PIP5K1A: variants seen among roughly 807,000 people sequenced by gnomAD.
PIP5K1A encodes the protein phosphatidylinositol-4-phosphate 5-kinase type 1 alpha.
Under a neutral mutation model 72.9 loss-of-function variants are expected in PIP5K1A, and 46 were observed. That is an observed-to-expected ratio of 0.63 (90% confidence interval 0.50 to 0.81). PIP5K1A has a LOEUF of 0.81. PIP5K1A is among the 30% of genes least tolerant of loss of function. The probability of loss-of-function intolerance (pLI) is 0.00; values close to 1 mark genes in which losing one functional copy is unlikely to be tolerated. For missense variants in PIP5K1A, 458 were observed against 706.1 expected, an observed-to-expected ratio of 0.65 and a Z score of 3.98; for synonymous variants, 228 against 255.1, an observed-to-expected ratio of 0.89 and a Z score of 1.01.
chr1:151,244,096 T>C (rs1220928917), intron 14 of PIP5K1A, among the ~76,000 whole-genome samples: 1 of 150,862 alleles, frequency 6.6e-6, no homozygotes, highest in East Asian at 2.0e-4. Flanking sequence ...GGAGGATTGC[T>C]TGAGGCAGTT....
At chr1:151,228,981 A>AAG (rs1163807130) in intron 4 of PIP5K1A, among the ~76,000 whole-genome samples, 1 of 151,596 alleles carries the variant, frequency 6.6e-6, no homozygotes, top group Non-Finnish European at 1.5e-5. Context: ...CAACCTGACC[A>AAG]ACATGGCAAA....
At chr1:151,215,999 A>G in intron 1 of PIP5K1A, 1 of 1,296,042 alleles carries the variant, frequency 7.7e-7, no homozygotes, top group African/African-American at 1.5e-5. Context: ...GTGGTAAGAG[A>G]GGTAGATCTG....
At chr1:151,214,910 T>G (rs1176696311) in intron 1 of PIP5K1A, among the ~76,000 whole-genome samples, 1 of 148,852 alleles carries the variant, frequency 6.7e-6, no homozygotes, top group Non-Finnish European at 1.5e-5. Flanking sequence ...TGGAGACCAG[T>G]TTTCACCATG....
chr1:151,209,902 T>TG (rs1686548868), intron 1 of PIP5K1A, among the ~76,000 whole-genome samples: 1 of 151,748 alleles, frequency 6.6e-6, no homozygotes, highest in African/African-American at 2.4e-5. Flanking sequence ...TTTTCTGAGA[T>TG]GGAGTCTTGC....
At chr1:151,220,474 T>C (rs1688259425) in intron 1 of PIP5K1A, among the ~76,000 whole-genome samples, 1 of 145,094 alleles carries the variant, frequency 6.9e-6, no homozygotes, top group Non-Finnish European at 1.5e-5. Flanking sequence ...ACCACCTAGC[T>C]TTTTTTTTTT....
chr1:151,224,180 C>T (rs768245854), intron 1 of PIP5K1A, 65 bp from the exon 2 acceptor site: 230 of 1,388,562 alleles, frequency 1.7e-4, no homozygotes, highest in Non-Finnish European at 2.2e-4. Flanking sequence ...CTGATGGTTT[C>T]AGTATGCTTG....
chr1:151,203,768 G>T (rs1685541361), intron 1 of PIP5K1A, among the ~76,000 whole-genome samples: 1 of 150,758 alleles, frequency 6.6e-6, no homozygotes, highest in South Asian at 2.1e-4. Context: ...GGGTTGCAGT[G>T]AGCTGAGATC....
chr1:151,202,356 A>G (rs963280681), intron 1 of PIP5K1A, among the ~76,000 whole-genome samples: 5 of 152,244 alleles, frequency 3.3e-5, no homozygotes, highest in Non-Finnish European at 5.9e-5. Context: ...CTACAGGGCC[A>G]GCCTTCTAGC....
At chr1:151,224,200 T>A in intron 1 of PIP5K1A, 45 bp from the exon 2 acceptor site, 2 of 1,545,448 alleles carry the variant, frequency 1.3e-6, no homozygotes, top group Non-Finnish European at 1.8e-6. Context: ...GACAGAGATG[T>A]GAGTGTGTGA....
intron 1 of PIP5K1A, among the ~76,000 whole-genome samples, chr1:151,220,226 G>C (rs587619872): frequency 6.6e-6 from 1 of 151,712 alleles, no homozygotes; most frequent in African/African-American, 2.4e-5. Context: ...GGATGATCTC[G>C]ATCTCCTGAC....
At chr1:151,225,693 C>G (rs939311458) in intron 3 of PIP5K1A, among the ~76,000 whole-genome samples, 142 of 152,112 alleles carry the variant, frequency 9.3e-4, no homozygotes, top group East Asian at 1.9e-3. Context: ...TGGTTTTGAA[C>G]TCCTGACCTC....
intron 1 of PIP5K1A, among the ~76,000 whole-genome samples, chr1:151,214,641 A>C (rs56048264): frequency 6.6e-6 from 1 of 152,050 alleles, no homozygotes; most frequent in Non-Finnish European, 1.5e-5. Flanking sequence ...TCAGCCTCCC[A>C]AAGGGCTGGG....
At chr1:151,224,151 G>GT (rs1688781193) in intron 1 of PIP5K1A, 94 bp from the exon 2 acceptor site, 6 of 1,118,468 alleles carry the variant, frequency 5.4e-6, no homozygotes, top group Non-Finnish European at 8.2e-6. Flanking sequence ...TTATACTTAT[G>GT]TTTAGTTTGA....
upstream of PIP5K1A, chr1:151,198,109 C>T (rs919662747): frequency 2.1e-6 from 1 of 470,598 alleles, no homozygotes; most frequent in Admixed American, 2.4e-5. Flanking sequence ...GAATGCCATT[C>T]CGAGGAAGGT....
chr1:151,224,259 A>G lies in PIP5K1A; in HGVS notation c.100A>G (p.Lys34Glu). 6.2e-7 allele frequency: 1 copy of G among 1,613,602 alleles called. No individual in the cohort carries two copies. The highest frequency in any genetic ancestry group is 8.5e-7 in the Non-Finnish European group (1 of 1,179,592). ...CTLSSAASGIKRPMASEVLEA... is the reference protein window; with the variant it reads ...CTLSSAASGIERPMASEVLEA... ...TTCCCCCCTAGCAGCATCTGGAATCAAGAGACCCATGGCATCTGAGGTGAG... is the reference window on the plus strand; with the variant it reads ...TTCCCCCCTAGCAGCATCTGGAATCGAGAGACCCATGGCATCTGAGGTGAG... The change falls in exon 2 of 16, where the codon AAG becomes GAG. Residue 34 changes from lysine to glutamate, a missense_variant. By Grantham distance (56) the Lys-to-Glu change is moderately conservative (BLOSUM62 1). Coordinates refer to ENST00000368888, the MANE Select transcript of PIP5K1A (RefSeq NM_001135638.2).
chr1:151,202,767 C>T (rs191077647), intron 1 of PIP5K1A, among the ~76,000 whole-genome samples: 35 of 146,876 alleles, frequency 2.4e-4, no homozygotes, highest in Admixed American at 2.1e-3. Flanking sequence ...CCATGCCCTG[C>T]CAGTAAAGTC....
At chr1:151,245,919 A>T (rs2101742826) in intron 14 of PIP5K1A, among the ~76,000 whole-genome samples, 1 of 152,232 alleles carries the variant, frequency 6.6e-6, no homozygotes, top group Non-Finnish European at 1.5e-5. Flanking sequence ...TTGTGTAACA[A>T]ATTACCCCCA....
chr1:151,236,783 C>A lies in PIP5K1A; in HGVS notation c.1145+20C>A. On this transcript the variant is annotated intron_variant, in intron 9 of 15. Transcript: ENST00000368888. ...TGACCAGTAAGTGGGCTCAGGGCCACTAGGGGGGAGAACATAGGCCCACAG... is the reference window on the plus strand; with the variant it reads ...TGACCAGTAAGTGGGCTCAGGGCCAATAGGGGGGAGAACATAGGCCCACAG... 3 of 1,456,772 alleles carry A rather than the reference C, an allele frequency of 2.1e-6. No individual in the cohort carries two copies. The highest frequency in any genetic ancestry group is 2.9e-6 in the Non-Finnish European group (3 of 1,041,856). 90.2% of individuals were successfully genotyped at this position (1,456,772 alleles called of 1,614,324 possible).
chr1:151,221,169 G>T (rs587619425), intron 1 of PIP5K1A, among the ~76,000 whole-genome samples: 1 of 152,198 alleles, frequency 6.6e-6, no homozygotes, highest in African/African-American at 2.4e-5. Context: ...AGATATATTT[G>T]TAGGCTTCCA....
Sources: allele counts gnomAD v4.1 joint callset (sites outside exome capture counted in the v4.1 genomes callset), GRCh38; gene constraint gnomAD v4.1.1; transcripts MANE v1.5; gene names NCBI Gene and HGNC (gene_info 2026-07-23, HGNC 2026-07-21).